DNAAF9: variants seen among roughly 807,000 people sequenced by gnomAD.
DNAAF9 encodes shulin.
In DNAAF9, 90 loss-of-function variants were observed where a neutral mutation model predicts 167.0. That is an observed-to-expected ratio of 0.54 (90% CI 0.45 to 0.64). DNAAF9 has a LOEUF of 0.64. DNAAF9 is among the 30% of genes least tolerant of loss of function. DNAAF9 has a pLI of 0.00. For synonymous variants in DNAAF9, 491 were observed against 508.8 expected (o/e 0.96, Z 0.47); for missense variants, 1,315 against 1,442.2 (o/e 0.91, Z 1.43).
chr20:3,397,443 C>T (rs1334624957), intron 1 of DNAAF9, among the ~76,000 whole-genome samples: 3 of 151,980 alleles, frequency 2.0e-5, no homozygotes, highest in Non-Finnish European at 2.9e-5. Flanking sequence ...CTCAGCCTCC[C>T]GAGTAGCTGG....
intron 7 of DNAAF9, among the ~76,000 whole-genome samples, chr20:3,349,150 T>G (rs2070256568): frequency 7.4e-6 from 1 of 134,728 alleles, no homozygotes; most frequent in South Asian, 2.3e-4. Flanking sequence ...GCCCCAGGAC[T>G]TCCAGACCAG....
At chr20:3,348,145 G>A (rs1227373721) in intron 8 of DNAAF9, among the ~76,000 whole-genome samples, 2 of 152,118 alleles carry the variant, frequency 1.3e-5, no homozygotes, top group Non-Finnish European at 2.9e-5. Flanking sequence ...GTTTACTCAT[G>A]AGCCTGGTAA....
intron 9 of DNAAF9, among the ~76,000 whole-genome samples, chr20:3,343,058 C>A (rs1018113919): frequency 1.5e-5 from 1 of 66,972 alleles, no homozygotes; most frequent in African/African-American, 7.6e-5. Context: ...GAAGCATGTT[C>A]ATTTGTTAGG....
In DNAAF9 at chr20:3,287,685, C is replaced by T. The variant is rs555959953; in HGVS notation, c.2433G>A (p.Ala811=). 90 of 1,614,220 alleles carry T rather than the reference C, an allele frequency of 5.6e-5. 1 individual carries two copies. The highest frequency in any genetic ancestry group is 5.6e-4 in the East Asian group (25 of 44,884). Residue 811 remains alanine, a synonymous_variant, in exon 27 of 37, where the codon GCG becomes GCA. Transcript: ENST00000252032. ...SALEAQQNRS[A]RQSAYIRKKT... ...TCTTGCGGATGTAGGCTGACTGGCG[C>T]GCAGAGCGGTTCTGCTGGGCCTCTA...
chr20:3,293,364 CG>C (rs2069001170), intron 25 of DNAAF9, among the ~76,000 whole-genome samples: 1 of 141,624 alleles, frequency 7.1e-6, no homozygotes, highest in Non-Finnish European at 1.5e-5. Flanking sequence ...GTCAAGAAGA[CG>C]AAGTGTGAGG....
chr20:3,348,419 A>C, intron 8 of DNAAF9, 106 bp downstream of exon 8: 1 of 559,476 alleles, frequency 1.8e-6, no homozygotes, highest in Non-Finnish European at 3.0e-6. Context: ...AAGAAATGAC[A>C]AATTAGAATT....
intron 6 of DNAAF9, among the ~76,000 whole-genome samples, chr20:3,372,526 TG>T (rs1176506064): frequency 2.0e-5 from 3 of 152,244 alleles, no homozygotes; most frequent in African/African-American, 7.2e-5. Context: ...AGGTGTTTTT[TG>T]GAAGGAGATA....
intron 1 of DNAAF9, among the ~76,000 whole-genome samples, chr20:3,395,280 CTTTT>C (rs1398630907): frequency 6.8e-6 from 1 of 147,414 alleles, no homozygotes; most frequent in African/African-American, 2.5e-5. Flanking sequence ...CGAACATTTT[CTTTT>C]TTCTTTTTTT....
At chr20:3,344,620 CA>C (rs1568617679) in intron 8 of DNAAF9, among the ~76,000 whole-genome samples, 1,633 of 148,850 alleles carry the variant, frequency 0.011, 40 homozygotes, top group African/African-American at 0.04. Context: ...CACACACACA[CA>C]CACACACACA....
chr20:3,259,161 GGCCA>G (rs1450102629), intron 33 of DNAAF9, among the ~76,000 whole-genome samples: 1 of 152,204 alleles, frequency 6.6e-6, no homozygotes, highest in African/African-American at 2.4e-5. Context: ...GTCTAGAGGA[GGCCA>G]TGACTGGCTC....
At chr20:3,307,744 A>G (rs1018173292) in intron 20 of DNAAF9, among the ~76,000 whole-genome samples, 6 of 152,126 alleles carry the variant, frequency 3.9e-5, no homozygotes, top group African/African-American at 1.2e-4. Context: ...GAAGTCCAAC[A>G]AAAGAGGGAT....
intron 16 of DNAAF9, among the ~76,000 whole-genome samples, chr20:3,319,168 C>CAGG (rs1017519783): frequency 3.3e-4 from 46 of 138,850 alleles, no homozygotes; most frequent in Admixed American, 2.1e-3. Context: ...GAGGCTAAGG[C>CAGG]AGGAGGATTG....
chr20:3,356,253 G>C (rs1168558604), intron 7 of DNAAF9, among the ~76,000 whole-genome samples: 1 of 152,038 alleles, frequency 6.6e-6, no homozygotes, highest in Non-Finnish European at 1.5e-5. Context: ...CCTGACCTCA[G>C]GTGATCCACC....
chr20:3,396,813 C>T (rs1600926574), intron 1 of DNAAF9, among the ~76,000 whole-genome samples: 1 of 152,024 alleles, frequency 6.6e-6, no homozygotes, highest in East Asian at 1.9e-4. Flanking sequence ...AGGTCTAGTA[C>T]TTGATTATTT....
chr20:3,282,162 A>G (rs1306934415), intron 27 of DNAAF9, among the ~76,000 whole-genome samples: 1 of 152,134 alleles, frequency 6.6e-6, no homozygotes, highest in Non-Finnish European at 1.5e-5. Flanking sequence ...CTCAGAACAC[A>G]CAGGCAAGAG....
intron 20 of DNAAF9, chr20:3,307,080 A>G (rs1478815461): frequency 1.0e-6 from 1 of 985,174 alleles, no homozygotes; most frequent in East Asian, 1.1e-4. Context: ...AAGCTTCCAG[A>G]AAAAAGCACA....
At chr20:3,299,240 A>G (rs1426208884) in intron 21 of DNAAF9, among the ~76,000 whole-genome samples, 1 of 151,916 alleles carries the variant, frequency 6.6e-6, no homozygotes, top group Non-Finnish European at 1.5e-5. Flanking sequence ...AATTTATTGT[A>G]CAGGGTATAA....
At chr20:3,337,143 T>G (rs185228447) in intron 10 of DNAAF9, among the ~76,000 whole-genome samples, 66 of 151,646 alleles carry the variant, frequency 4.4e-4, no homozygotes, top group Non-Finnish European at 6.9e-4. Context: ...CTTCTCTAAG[T>G]GCTGGGATTA....
intron 30 of DNAAF9, among the ~76,000 whole-genome samples, chr20:3,267,871 A>G (rs1403153499): frequency 6.6e-6 from 1 of 152,114 alleles, no homozygotes; most frequent in Admixed American, 6.6e-5. Context: ...GTTTTTCTTC[A>G]TCTTCCCCAT....
Sources: gnomAD v4.1 joint callset for allele counts (sites outside exome capture counted in the v4.1 genomes callset) on GRCh38, gnomAD v4.1.1 for gene constraint, MANE v1.5 for transcripts, NCBI Gene and HGNC (gene_info 2026-07-23, HGNC 2026-07-21) for gene names.